RIMS2: variants seen among roughly 807,000 people sequenced by gnomAD.
RIMS2 encodes the protein regulating synaptic membrane exocytosis protein 2.
RIMS2 carries 59 observed loss-of-function variants against 174.4 expected under a neutral mutation model. The ratio of observed to expected loss-of-function variants is 0.34; its 90% CI spans 0.27 to 0.42. The LOEUF (loss-of-function observed/expected upper bound fraction) is 0.42, where lower values mean the gene tolerates loss of function less well. Among genes scored for constraint, RIMS2 ranks in the 10% least tolerant of loss-of-function variants. The probability of loss-of-function intolerance (pLI) is 1.00; values close to 1 mark genes in which losing one functional copy is unlikely to be tolerated. For missense variants in RIMS2, 1,620 were observed against 1,666.3 expected (o/e 0.97, Z 0.48); for synonymous variants, 606 against 572.5 (o/e 1.06, Z -0.84).
chr8:103,597,312 T>C (rs2094516684), intron 1 of RIMS2, among the ~76,000 whole-genome samples: 1 of 152,202 alleles, frequency 6.6e-6, no homozygotes. Flanking sequence ...CTTTCTGCTC[T>C]CATGCATAAG....
At chr8:103,712,944 T>A (rs1018184918) in intron 2 of RIMS2, among the ~76,000 whole-genome samples, 2 of 152,192 alleles carry the variant, frequency 1.3e-5, no homozygotes, top group East Asian at 1.9e-4. Context: ...TCCTTATTTT[T>A]AACTTATTTT....
chr8:104,141,760 C>T lies in RIMS2; in HGVS notation c.3335-103156C>T, dbSNP rs183759957. 7.2e-4 allele frequency among the ~76,000 whole-genome samples: 109 copies of T among 152,328 alleles called. No individual in the cohort carries two copies. The Middle Eastern group carries it at 0.014, about 19-fold the overall frequency. ...CCTCAGGATATTTGCACTTGCTCCT[C>T]TCTAAGCTTAGAACATGCTTCTTTC... On this transcript the variant is annotated intron_variant, in intron 19 of 23. Transcript: ENST00000504942.
At chr8:103,984,123 G>A (rs1014361565) in intron 16 of RIMS2, among the ~76,000 whole-genome samples, 11 of 151,910 alleles carry the variant, frequency 7.2e-5, no homozygotes, top group Non-Finnish European at 1.3e-4. Context: ...GCAGTGAGCC[G>A]AGATCGCGCC....
At chr8:104,237,858 G>A (rs559861035) in intron 19 of RIMS2, among the ~76,000 whole-genome samples, 2 of 152,238 alleles carry the variant, frequency 1.3e-5, no homozygotes, top group East Asian at 3.9e-4. Flanking sequence ...GACCTGAGAA[G>A]CATAAGTGTA....
intron 2 of RIMS2, among the ~76,000 whole-genome samples, chr8:103,756,072 G>A (rs989728754): frequency 3.3e-5 from 5 of 152,232 alleles, no homozygotes; most frequent in South Asian, 4.1e-4. Flanking sequence ...TTTTATCTAC[G>A]TTTGATCTTT....
intron 1 of RIMS2, among the ~76,000 whole-genome samples, chr8:103,650,440 C>T (rs2096430332): frequency 6.6e-6 from 1 of 152,134 alleles, no homozygotes; most frequent in Non-Finnish European, 1.5e-5. Flanking sequence ...ATCAGGTGGC[C>T]CTTTGGTAGA....
intron 1 of RIMS2, among the ~76,000 whole-genome samples, chr8:103,549,765 G>A (rs1026452856): frequency 1.5e-4 from 23 of 152,216 alleles, no homozygotes; most frequent in African/African-American, 5.1e-4. Flanking sequence ...AAAATAAAGG[G>A]ATGGAGGAAG....
intron 1 of RIMS2, among the ~76,000 whole-genome samples, chr8:103,548,514 T>C (rs1352270628): frequency 6.6e-6 from 1 of 151,196 alleles, no homozygotes; most frequent in Non-Finnish European, 1.5e-5. Flanking sequence ...TGAAGGAACA[T>C]ATATCAAAAT....
intron 19 of RIMS2, among the ~76,000 whole-genome samples, chr8:104,139,246 C>T (rs956611533): frequency 5.3e-5 from 8 of 152,052 alleles, no homozygotes; most frequent in African/African-American, 1.7e-4. Flanking sequence ...TTTAGCTATT[C>T]TGAGTCTTTT....
chr8:103,801,068 C>T (rs1325185017), intron 3 of RIMS2, among the ~76,000 whole-genome samples: 2 of 152,158 alleles, frequency 1.3e-5, no homozygotes, highest in Admixed American at 1.3e-4. Context: ...TCTCCGCTCA[C>T]TGCAATCTCC....
intron 19 of RIMS2, among the ~76,000 whole-genome samples, chr8:104,206,032 A>G (rs575863064): frequency 7.9e-5 from 12 of 152,326 alleles, no homozygotes; most frequent in African/African-American, 2.6e-4. Context: ...TTGGGATTAC[A>G]GATGTGAAGC....
chr8:103,879,016 G>A (rs1486438978), intron 3 of RIMS2, among the ~76,000 whole-genome samples: 1 of 151,560 alleles, frequency 6.6e-6, no homozygotes, highest in Non-Finnish European at 1.5e-5. Context: ...TGCATGGGAA[G>A]TAGTTACAAA....
chr8:104,044,528 C>CA (rs34056405), intron 19 of RIMS2, among the ~76,000 whole-genome samples: 11,945 of 129,588 alleles, frequency 0.092, 1,265 homozygotes, highest in African/African-American at 0.27. Flanking sequence ...ACTTTTCTTA[C>CA]AAAAAAAAAA....
At chr8:103,950,103 T>C (rs981536889) in intron 14 of RIMS2, among the ~76,000 whole-genome samples, 1 of 152,064 alleles carries the variant, frequency 6.6e-6, no homozygotes, top group African/African-American at 2.4e-5. Context: ...TAGCCCAATA[T>C]CTATTTGAGA....
chr8:104,249,440 G>C, intron 21 of RIMS2, 47 bp from the exon 28 acceptor site: 1 of 983,352 alleles, frequency 1.0e-6, no homozygotes, highest in Non-Finnish European at 1.6e-6. Flanking sequence ...ATTTTCCTTA[G>C]TGCATTTGTA....
intron 2 of RIMS2, among the ~76,000 whole-genome samples, chr8:103,698,967 C>T (rs532040847): frequency 3.9e-5 from 6 of 151,948 alleles, no homozygotes; most frequent in African/African-American, 1.4e-4. Context: ...ACCAGTGAAG[C>T]CATGTGGGCA....
chr8:103,842,480 A>G (rs1564870061), intron 3 of RIMS2, among the ~76,000 whole-genome samples: 2 of 152,108 alleles, frequency 1.3e-5, no homozygotes, highest in Admixed American at 6.6e-5. Flanking sequence ...ATAACTTATT[A>G]TAATTAATTA....
At chr8:103,941,725 C>T (rs1044419213) in intron 13 of RIMS2, among the ~76,000 whole-genome samples, 2 of 151,802 alleles carry the variant, frequency 1.3e-5, no homozygotes, top group African/African-American at 2.4e-5. Context: ...ATTTAAAATC[C>T]GTTCTTGTTT....
chr8:103,932,291 G>A (rs1262367448), intron 12 of RIMS2, among the ~76,000 whole-genome samples: 1 of 152,138 alleles, frequency 6.6e-6, no homozygotes, highest in Non-Finnish European at 1.5e-5. Context: ...CAAGTAGAAA[G>A]TCAAGGTTGA....
Sources: allele counts gnomAD v4.1 joint callset (sites outside exome capture counted in the v4.1 genomes callset), GRCh38; gene constraint gnomAD v4.1.1; transcripts MANE v1.5; gene names NCBI Gene and HGNC (gene_info 2026-07-23, HGNC 2026-07-21).